The following CSMD1 variants were observed in gnomAD, a reference collection of about 807,000 sequenced individuals.
CSMD1 encodes CUB and Sushi multiple domains 1.
Under a neutral mutation model 417.5 loss-of-function variants are expected in CSMD1, and 213 were observed. The ratio of observed to expected loss-of-function variants is 0.51; its 90% CI spans 0.46 to 0.57. The LOEUF is 0.57. CSMD1 is among the 20% of genes least tolerant of loss of function. The probability of loss-of-function intolerance (pLI) is 0.00; values close to 1 mark genes in which losing one functional copy is unlikely to be tolerated. For synonymous variants in CSMD1, 2,862 were observed against 1,736.8 expected, an observed-to-expected ratio of 1.65 and a Z score of -16.11; for missense variants, 6,923 against 4,529.7, an observed-to-expected ratio of 1.53 and a Z score of -15.17.
chr8:3,558,013 CAAT>C (rs1420617181), intron 10 of CSMD1, among the ~76,000 whole-genome samples: 2 of 151,816 alleles, frequency 1.3e-5, no homozygotes, highest in Non-Finnish European at 2.9e-5. Flanking sequence ...TCCACTCCTC[CAAT>C]GATGAATGGT....
intron 3 of CSMD1, among the ~76,000 whole-genome samples, chr8:4,043,540 A>C (rs1410535657): frequency 2.0e-5 from 3 of 152,194 alleles, no homozygotes; most frequent in African/African-American, 7.2e-5. Flanking sequence ...ATAATGAGAA[A>C]AGACAAATAG....
intron 1 of CSMD1, among the ~76,000 whole-genome samples, chr8:4,705,115 C>G (rs1584970819): frequency 6.6e-6 from 1 of 152,256 alleles, no homozygotes; most frequent in African/African-American, 2.4e-5. Flanking sequence ...CTCCTTCACC[C>G]TCTGTCTCTC....
At chr8:3,289,653 G>A (rs1203606669) in intron 25 of CSMD1, among the ~76,000 whole-genome samples, 8 of 143,520 alleles carry the variant, frequency 5.6e-5, no homozygotes, top group East Asian at 2.0e-4. Flanking sequence ...CATATCCTTT[G>A]CCCACTTTTT....
chr8:3,133,894 G>A (rs1367392570), intron 41 of CSMD1, among the ~76,000 whole-genome samples: 1 of 152,220 alleles, frequency 6.6e-6, no homozygotes, highest in East Asian at 1.9e-4. Context: ...GCTCTGTCAG[G>A]CCGGGCGCGG....
chr8:3,221,752 AG>A (rs1008934368), intron 28 of CSMD1, among the ~76,000 whole-genome samples: 8 of 152,146 alleles, frequency 5.3e-5, no homozygotes, highest in African/African-American at 1.9e-4. Flanking sequence ...ATTCAATTTG[AG>A]CCCCAATGTG....
chr8:4,067,670 C>T (rs1388154284), intron 3 of CSMD1, among the ~76,000 whole-genome samples: 1 of 152,144 alleles, frequency 6.6e-6, no homozygotes, highest in Non-Finnish European at 1.5e-5. Context: ...TGCAGTCTCA[C>T]CACCTAACTT....
chr8:4,190,613 T>A (rs1798968693), intron 3 of CSMD1, among the ~76,000 whole-genome samples: 1 of 151,708 alleles, frequency 6.6e-6, no homozygotes, highest in East Asian at 1.9e-4. Context: ...GAATGGAAGC[T>A]CAAAGGGGTT....
intron 2 of CSMD1, among the ~76,000 whole-genome samples, chr8:4,539,708 A>G (rs1797287401): frequency 6.6e-6 from 1 of 152,226 alleles, no homozygotes; most frequent in African/African-American, 2.4e-5. Context: ...TCCTAGCTCT[A>G]TCCTTGAATT....
chr8:4,144,590 G>T (rs1735985545), intron 3 of CSMD1, among the ~76,000 whole-genome samples: 1 of 151,106 alleles, frequency 6.6e-6, no homozygotes, highest in South Asian at 2.1e-4. Context: ...CTACTGTTAA[G>T]TCATAAAAGA....
rs1563111571 is a variant in CSMD1 at position 3,175,486 on chromosome 8, TGCC to T, written c.5725+5621_5725+5623del. ...TCCTTCCTTCTTTTCCCTTCCTTCC[TGCC>T]TGCCTGCCTGCCTGCCTGCCTTTTT... On this transcript the variant is annotated intron_variant, in intron 37 of 69. Transcript: ENST00000635120. Among the ~76,000 whole-genome samples the T allele has an allele frequency of 2.4e-3, 218 of 91,342 alleles. 1 individual carries two copies. The East Asian group carries it at 0.03, about 13-fold the overall frequency. 59.9% of individuals were successfully genotyped at this position (91,342 alleles called of 152,430 possible).
chr8:3,580,062 C>T (rs1800317635), intron 9 of CSMD1, among the ~76,000 whole-genome samples: 1 of 151,992 alleles, frequency 6.6e-6, no homozygotes, highest in South Asian at 2.1e-4. Context: ...CAAGATAGCA[C>T]CACTGTACTA....
intron 25 of CSMD1, among the ~76,000 whole-genome samples, chr8:3,287,251 G>C (rs1313653811): frequency 6.6e-6 from 1 of 151,036 alleles, no homozygotes; most frequent in Non-Finnish European, 1.5e-5. Flanking sequence ...CTCCAGCTTT[G>C]TTCTTTTGGC....
At chr8:4,256,762 C>T (rs1291406151) in intron 3 of CSMD1, among the ~76,000 whole-genome samples, 2 of 152,126 alleles carry the variant, frequency 1.3e-5, no homozygotes, top group Non-Finnish European at 2.9e-5. Flanking sequence ...GGGCAGTGCC[C>T]TGCTCTCAAG....
chr8:3,742,859 G>A (rs1250296586), intron 6 of CSMD1, among the ~76,000 whole-genome samples: 1 of 152,232 alleles, frequency 6.6e-6, no homozygotes, highest in Non-Finnish European at 1.5e-5. Flanking sequence ...AGTTACTTCT[G>A]CGTTTCTAAA....
intron 1 of CSMD1, among the ~76,000 whole-genome samples, chr8:4,883,109 A>T (rs1190573659): frequency 1.3e-5 from 2 of 152,258 alleles, no homozygotes; most frequent in African/African-American, 4.8e-5. Context: ...AAGATTTTAT[A>T]GTAAGGTGGA....
chr8:4,717,450 C>A (rs889574454), intron 1 of CSMD1, among the ~76,000 whole-genome samples: 2 of 150,236 alleles, frequency 1.3e-5, no homozygotes, highest in Admixed American at 1.3e-4. Context: ...TATATATACA[C>A]ACACTATATA....
chr8:4,831,447 A>C (rs1457687032), intron 1 of CSMD1, among the ~76,000 whole-genome samples: 1 of 152,230 alleles, frequency 6.6e-6, no homozygotes, highest in Non-Finnish European at 1.5e-5. Context: ...TATGGAGTAC[A>C]TTCTATGTGC....
chr8:3,874,605 G>C (rs889893309), intron 5 of CSMD1, among the ~76,000 whole-genome samples: 3 of 152,144 alleles, frequency 2.0e-5, no homozygotes, highest in Non-Finnish European at 4.4e-5. Flanking sequence ...TCATTCAGTA[G>C]ATTAAGTCTC....
At position 3,399,461 on chromosome 8, in the gene CSMD1, T is replaced by C; in HGVS notation, c.2335A>G (p.Lys779Glu). Residue 779 changes from lysine (K) to glutamate (E), a missense_variant, in exon 16 of 70, where the codon AAG becomes GAG. Lys to Glu is a moderately conservative substitution (Grantham distance 56). Coordinates refer to ENST00000635120, the MANE Select transcript of CSMD1 (RefSeq NM_033225.6). ...ATCCATTCACAATGTAAAGAATCCT[T>C]ATAATATCCTGGCCATCCAGGAGGC... ...ILPPGWPGYY[K>E]DSLHCEWIIE... 1 of 1,610,462 alleles carries C rather than the reference T, an allele frequency of 6.2e-7. No homozygotes were observed. Among genetic ancestry groups the C allele is most frequent in the Non-Finnish European group, 8.5e-7 (1 of 1,178,298 alleles).
Sources: allele counts gnomAD v4.1 joint callset (sites outside exome capture counted in the v4.1 genomes callset), GRCh38; gene constraint gnomAD v4.1.1; transcripts MANE v1.5; gene names NCBI Gene and HGNC (gene_info 2026-07-23, HGNC 2026-07-21).